The following RAB11FIP3 variants were observed in gnomAD, a reference collection of about 807,000 sequenced individuals.
RAB11FIP3 encodes rab11 family-interacting protein 3.
RAB11FIP3 carries 17 observed loss-of-function variants against 77.8 expected under a neutral mutation model. That is an observed-to-expected ratio of 0.22 (90% CI 0.15 to 0.33). The LOEUF is 0.33. Ranked by LOEUF, RAB11FIP3 falls within the 10% of genes least tolerant of loss-of-function variation. The pLI is 1.00. For missense variants in RAB11FIP3, 1,005 were observed against 1,011.2 expected, an observed-to-expected ratio of 0.99 and a Z score of 0.08; for synonymous variants, 437 against 448.2, an observed-to-expected ratio of 0.98 and a Z score of 0.31.
At chr16:496,467 C>A (rs992960593) in intron 5 of RAB11FIP3, among the ~76,000 whole-genome samples, 1 of 152,246 alleles carries the variant, frequency 6.6e-6, no homozygotes, top group Non-Finnish European at 1.5e-5. Context: ...CACTTGGGGG[C>A]CTCCGAAGGC....
rs971306864 is a variant in RAB11FIP3, at chr16:514,769, A to C, written c.1640+3969A>C. 1.3e-5 allele frequency among the ~76,000 whole-genome samples: 2 copies of C among 152,142 alleles called. No homozygotes were observed. The highest frequency in any genetic ancestry group is 2.9e-5 in the Non-Finnish European group (2 of 68,002). On this transcript the variant is annotated intron_variant, in intron 9 of 13. Coordinates refer to ENST00000262305, the MANE Select transcript of RAB11FIP3 (RefSeq NM_014700.4). This position sits in a 1 kb window ranked among gnomAD's most constrained non-coding sequence, Gnocchi z 4.6. ...CCCCTGGCAGGCTGCAGAGAGCTGGAGTGAAGGCTGATGGGGCCACAGTGG... is the reference window on the plus strand; with the variant it reads ...CCCCTGGCAGGCTGCAGAGAGCTGGCGTGAAGGCTGATGGGGCCACAGTGG...
intron 4 of RAB11FIP3, among the ~76,000 whole-genome samples, chr16:483,714 C>A (rs2141736378): frequency 6.6e-6 from 1 of 152,206 alleles, no homozygotes. Context: ...AGTCTGGCAC[C>A]TTGTGAGGTC....
intron 2 of RAB11FIP3, among the ~76,000 whole-genome samples, chr16:465,115 G>C (rs2055679666): frequency 6.6e-6 from 1 of 152,150 alleles, no homozygotes. Flanking sequence ...CTCAGTCGCA[G>C]GGAGGAGAAA....
chr16:425,907 G>T lies in RAB11FIP3; in HGVS notation c.-100G>T, dbSNP rs2054930166. ...CCAGCAGCCCGGGCGCCCCGCGCGC[G>T]CCCGCCCGCGCCGCCGAGGGGATGC... On this transcript the variant is annotated 5_prime_UTR_variant, in exon 1 of 14. Coordinates refer to ENST00000262305, the MANE Select transcript of RAB11FIP3 (RefSeq NM_014700.4). The T allele has an allele frequency of 6.5e-6, 2 of 309,564 alleles. No individual in the cohort carries two copies. The highest frequency in any genetic ancestry group is 6.6e-5 in the Admixed American group (1 of 15,232). 19.2% of individuals were successfully genotyped at this position (309,564 alleles called of 1,614,324 possible). A position where few individuals can be genotyped will look rare whatever the true frequency, so the allele number is the denominator to read the frequency against.
Position 496,378 on chromosome 16 carries a change from G to A in RAB11FIP3, c.1266-446G>A, listed in dbSNP as rs140067037. ...TTTCCAAACTGATGCCTAGGCAGGC[G>A]TTCTGAGCATGATGCATCAGTGCCT... On this transcript the variant is annotated intron_variant, in intron 5 of 13. Transcript: ENST00000262305. Among the ~76,000 whole-genome samples the A allele has an allele frequency of 8.7e-4, 133 of 152,354 alleles. 2 individuals carry two copies. The highest frequency in any genetic ancestry group is 3.0e-3 in the African/African-American group (123 of 41,582).
Position 488,731 on chromosome 16 carries a change from G to A in RAB11FIP3, c.1116-120G>A, listed in dbSNP as rs1043234628. On this transcript the variant is annotated intron_variant, in intron 4 of 13. Transcript: ENST00000262305. Reference sequence around the variant, plus strand: ...GCCCACTTTTTTTTTTTTTTTAAACGTGGCTCCCAGGACTCACGTGTGGCT... The same window carrying A: ...GCCCACTTTTTTTTTTTTTTTAAACATGGCTCCCAGGACTCACGTGTGGCT... 49 of 736,864 alleles carry A rather than the reference G, an allele frequency of 6.6e-5. 1 individual carries two copies. Among genetic ancestry groups the A allele is most frequent in the Non-Finnish European group, 4.6e-5 (24 of 517,992 alleles). The allele number at this position is 736,864 out of a possible 1,614,324, so 45.6% of individuals were successfully genotyped here. A position where few individuals can be genotyped will look rare whatever the true frequency, so the allele number is the denominator to read the frequency against.
Position 521,933 on chromosome 16 carries a change from G to C in RAB11FIP3, c.*1094G>C, listed in dbSNP as rs915494985. ...TCTCGGGGTCTGCACCCCAGGCACA[G>C]CGGTGTCACCCCGCAGGACCGCGGG... On this transcript the variant is annotated 3_prime_UTR_variant, in exon 14 of 14. Coordinates refer to ENST00000262305, the MANE Select transcript of RAB11FIP3 (RefSeq NM_014700.4). 6.6e-6 allele frequency: 1 copy of C among 152,202 alleles called. No individual in the cohort carries two copies. Among genetic ancestry groups the C allele is most frequent in the African/African-American group, 2.4e-5 (1 of 41,430 alleles). The allele number at this position is 152,202 out of a possible 1,614,324, so 9.4% of individuals were successfully genotyped here.
In RAB11FIP3 at chr16:491,035, C is replaced by T. The variant is rs1596267839; in HGVS notation, c.1265+2035C>T. Reference sequence around the variant, plus strand: ...TCTCTCTCCACGTGCTTTTGTTCCACACCATGTCCTGTCCTGTTCCCCTCG... The same window carrying T: ...TCTCTCTCCACGTGCTTTTGTTCCATACCATGTCCTGTCCTGTTCCCCTCG... On this transcript the variant is annotated intron_variant, in intron 5 of 13. Transcript: ENST00000262305. 5 of 1,100,578 alleles carry T rather than the reference C, an allele frequency of 4.5e-6. No homozygotes were observed. In the South Asian group the frequency reaches 7.6e-5, roughly 17 times the overall value. The allele number at this position is 1,100,578 out of a possible 1,614,324, so 68.2% of individuals were successfully genotyped here.
At chr16:449,471 G>C (rs546168189) in intron 1 of RAB11FIP3, among the ~76,000 whole-genome samples, 2 of 152,088 alleles carry the variant, frequency 1.3e-5, no homozygotes, top group South Asian at 4.2e-4. Context: ...AGGCTGCTAC[G>C]ATGGAGTCTT....
chr16:494,105 T>C (rs1304025507), intron 5 of RAB11FIP3, among the ~76,000 whole-genome samples: 3 of 50,228 alleles, frequency 6.0e-5, no homozygotes, highest in African/African-American at 4.1e-4. Context: ...GGTTTCACCA[T>C]GTCTCAATCT....
chr16:459,659 AC>A (rs1289485327), intron 1 of RAB11FIP3, among the ~76,000 whole-genome samples: 1 of 151,108 alleles, frequency 6.6e-6, no homozygotes, highest in African/African-American at 2.4e-5. Flanking sequence ...CTGGTCTGGA[AC>A]CCCTGACCTT....
At chr16:515,265 T>C (rs370109388) in intron 9 of RAB11FIP3, among the ~76,000 whole-genome samples, 1 of 152,302 alleles carries the variant, frequency 6.6e-6, no homozygotes, top group East Asian at 1.9e-4. Context: ...AACATGCAAG[T>C]GTTACTTTGA....
intron 1 of RAB11FIP3, among the ~76,000 whole-genome samples, chr16:427,957 C>T (rs1444322621): frequency 1.3e-5 from 2 of 151,996 alleles, no homozygotes; most frequent in African/African-American, 4.8e-5. Flanking sequence ...AAAAATTAGT[C>T]GGGCGTGGTG....
chr16:442,322 A>G (rs1446546555), intron 1 of RAB11FIP3, among the ~76,000 whole-genome samples: 1 of 152,164 alleles, frequency 6.6e-6, no homozygotes, highest in Non-Finnish European at 1.5e-5. Context: ...CTGGTTTTTG[A>G]AATGGGGTTG....
intron 5 of RAB11FIP3, among the ~76,000 whole-genome samples, chr16:492,361 C>CCCCGGGAGACCCGAGGCCG (rs1567391768): frequency 8.6e-5 from 12 of 139,244 alleles, no homozygotes; most frequent in African/African-American, 3.0e-4. Context: ...TGAAGAGGGT[C>CCCCGGGAGACCCGAGGCCG]TTCCCGGGAG....
rs546903705 is a variant in RAB11FIP3, at chr16:515,530, G to A, written c.1641-3413G>A. 1.9e-4 allele frequency among the ~76,000 whole-genome samples: 28 copies of A among 149,046 alleles called. No homozygotes were observed. In the South Asian group the frequency reaches 2.8e-3, roughly 15 times the overall value. On this transcript the variant is annotated intron_variant, in intron 9 of 13. Transcript: ENST00000262305. ...CTCGGAGCAGCCACACGGGCGACAC[G>A]CACCGGTGTTTGCATCTTGGAGCAG...
chr16:511,528 T>C (rs1387752162), intron 9 of RAB11FIP3, among the ~76,000 whole-genome samples: 5 of 70,912 alleles, frequency 7.1e-5, no homozygotes, highest in South Asian at 7.9e-4. Flanking sequence ...GCAGGCCAGG[T>C]AGGAGAAGTT....
intron 3 of RAB11FIP3, among the ~76,000 whole-genome samples, chr16:480,293 A>G (rs1375318186): frequency 2.6e-5 from 4 of 151,122 alleles, no homozygotes; most frequent in African/African-American, 9.8e-5. Context: ...CTCCAAAAAA[A>G]AAAAAAAAAA....
In RAB11FIP3 at chr16:426,206, G is replaced by T; in HGVS notation, c.200G>T (p.Gly67Val). ...GCGCCCGGGGCCGCTGCAGATGGCG[G>T]GGCGCGTTGGAGCGCCGGGCCGGCC... is the stretch of plus-strand genomic sequence containing the variant. ...EPAPGAAADG[G>V]ARWSAGPAPG... The change falls in exon 1 of 14, where the codon GGG (glycine) becomes GTG (valine). Residue 67 changes from glycine (G) to valine (V), a missense_variant. By Grantham distance (109) the Gly-to-Val change is moderately radical. This residue lies in a region of RAB11FIP3 where 466 missense variants were observed against 408.3 expected (regional missense o/e 1.14). Transcript: ENST00000262305. This position sits in a 1 kb window ranked among gnomAD's most constrained non-coding sequence, Gnocchi z 5.0. 1 of 1,019,544 alleles carries T rather than the reference G, an allele frequency of 9.8e-7. No homozygotes were observed. The highest frequency in any genetic ancestry group is 4.5e-5 in the South Asian group (1 of 22,452). 63.2% of individuals were successfully genotyped at this position (1,019,544 alleles called of 1,614,324 possible). A position where few individuals can be genotyped will look rare whatever the true frequency, so the allele number is the denominator to read the frequency against.
Sources: gnomAD v4.1 joint callset for allele counts (sites outside exome capture counted in the v4.1 genomes callset) on GRCh38, gnomAD v4.1.1 for gene constraint, gnomAD v4.1.1 regional missense constraint, Gnocchi (gnomAD v3.1) non-coding constraint, MANE v1.5 for transcripts, NCBI Gene and HGNC (gene_info 2026-07-23, HGNC 2026-07-21) for gene names.